The following GPC6 variants were observed in gnomAD, a reference collection of about 807,000 sequenced individuals.
The protein encoded by GPC6 is glypican-6.
In GPC6, 14 loss-of-function variants were observed where a neutral mutation model predicts 55.2. That is an observed-to-expected ratio of 0.25 (90% CI 0.17 to 0.40). The LOEUF is 0.40. GPC6 is among the 10% of genes least tolerant of loss of function. The pLI, the probability that GPC6 is intolerant of heterozygous loss-of-function variation, is 1.00. For missense variants in GPC6, 641 were observed against 708.5 expected (o/e 0.90, Z 1.08); for synonymous variants, 278 against 259.6 (o/e 1.07, Z -0.68).
chr13:93,226,293 AT>A (rs1464446950), upstream of GPC6, among the ~76,000 whole-genome samples: 1 of 152,174 alleles, frequency 6.6e-6, no homozygotes, highest in Non-Finnish European at 1.5e-5. Flanking sequence ...AAGCATAATG[AT>A]TTCTGATCGA....
At chr13:93,364,715 A>G (rs1881178878) in intron 1 of GPC6, among the ~76,000 whole-genome samples, 1 of 150,944 alleles carries the variant, frequency 6.6e-6, no homozygotes. Context: ...ACATATATAT[A>G]CACACACATA....
At chr13:93,880,753 T>C (rs1241049050) in intron 3 of GPC6, among the ~76,000 whole-genome samples, 1 of 152,000 alleles carries the variant, frequency 6.6e-6, no homozygotes, top group Non-Finnish European at 1.5e-5. Context: ...CATTATTGCC[T>C]CACAGTAAGG....
At chr13:93,353,252 G>T (rs1248174126) in intron 1 of GPC6, among the ~76,000 whole-genome samples, 1 of 152,144 alleles carries the variant, frequency 6.6e-6, no homozygotes, top group Non-Finnish European at 1.5e-5. Context: ...GCATCATGAT[G>T]GTTTTGAAAG....
intron 6 of GPC6, among the ~76,000 whole-genome samples, chr13:94,318,179 T>A (rs1566668937): frequency 6.6e-6 from 1 of 152,280 alleles, no homozygotes; most frequent in Non-Finnish European, 1.5e-5. Context: ...CCAAATCTTA[T>A]GTATTTTTAC....
intron 1 of GPC6, among the ~76,000 whole-genome samples, chr13:93,240,157 A>G (rs1434335008): frequency 6.6e-6 from 1 of 152,072 alleles, no homozygotes; most frequent in Non-Finnish European, 1.5e-5. Flanking sequence ...TTTGTCCTAG[A>G]ATCCAGTTTA....
chr13:94,338,119 A>AAAT, intron 6 of GPC6, among the ~76,000 whole-genome samples: 1 of 152,380 alleles, frequency 6.6e-6, no homozygotes, highest in East Asian at 1.9e-4. Flanking sequence ...TCGTTTTAAA[A>AAAT]AATAGAAATC....
At chr13:93,465,098 C>A (rs2139319981) in intron 1 of GPC6, among the ~76,000 whole-genome samples, 1 of 152,300 alleles carries the variant, frequency 6.6e-6, no homozygotes, top group East Asian at 1.9e-4. Flanking sequence ...TGCTGTAAAA[C>A]AGATATGCTG....
intron 6 of GPC6, among the ~76,000 whole-genome samples, chr13:94,371,978 A>G (rs1416557677): frequency 6.6e-6 from 1 of 152,098 alleles, no homozygotes; most frequent in African/African-American, 2.4e-5. Context: ...CAAAATTATC[A>G]AAGTTCTTAC....
the GPC6 span, among the ~76,000 whole-genome samples, chr13:93,221,243 A>G: frequency 7.2e-5 from 11 of 152,214 alleles, no homozygotes; most frequent in Non-Finnish European, 1.0e-4. Context: ...TTAGGTAACG[A>G]TGAGTAAATC....
At chr13:93,320,664 TATG>T (rs1421206694) in intron 1 of GPC6, among the ~76,000 whole-genome samples, 2 of 151,970 alleles carry the variant, frequency 1.3e-5, no homozygotes, top group Non-Finnish European at 2.9e-5. Context: ...CACACTCTAT[TATG>T]ATATTCTTTT....
intron 6 of GPC6, among the ~76,000 whole-genome samples, chr13:94,340,490 T>G (rs1172281667): frequency 1.3e-5 from 2 of 152,202 alleles, no homozygotes; most frequent in Admixed American, 1.3e-4. Context: ...ACACAATTAT[T>G]TGGCCTTGGG....
At chr13:93,373,602 G>A (rs528984394) in intron 1 of GPC6, among the ~76,000 whole-genome samples, 26 of 152,126 alleles carry the variant, frequency 1.7e-4, no homozygotes, top group Non-Finnish European at 3.2e-4. Flanking sequence ...AGATTAGTGT[G>A]TCGTCTGTGG....
At chr13:93,933,311 C>T (rs1878277464) in intron 3 of GPC6, among the ~76,000 whole-genome samples, 1 of 152,090 alleles carries the variant, frequency 6.6e-6, no homozygotes, top group Non-Finnish European at 1.5e-5. Context: ...AGAATTCTGC[C>T]AAACATTCTA....
intron 3 of GPC6, among the ~76,000 whole-genome samples, chr13:93,893,431 G>A (rs186542016): frequency 3.3e-5 from 5 of 152,168 alleles, no homozygotes; most frequent in Admixed American, 6.5e-5. Flanking sequence ...AATCACCAGC[G>A]ATGCAGAAAT....
chr13:93,769,930 T>G (rs542208857), intron 2 of GPC6, among the ~76,000 whole-genome samples: 1 of 152,226 alleles, frequency 6.6e-6, no homozygotes, highest in Non-Finnish European at 1.5e-5. Flanking sequence ...TGTATTTATT[T>G]GCCAAGTAGT....
intron 1 of GPC6, among the ~76,000 whole-genome samples, chr13:93,293,303 T>C (rs1339766598): frequency 6.6e-6 from 1 of 152,210 alleles, no homozygotes; most frequent in African/African-American, 2.4e-5. Flanking sequence ...CCTCATATAG[T>C]GTTTGGGAAA....
At chr13:94,192,450 G>A (rs1889426896) in intron 4 of GPC6, among the ~76,000 whole-genome samples, 1 of 152,084 alleles carries the variant, frequency 6.6e-6, no homozygotes, top group African/African-American at 2.4e-5. Flanking sequence ...AGTATGTCTG[G>A]GGTCTGGGTT....
At chr13:94,089,128 T>G (rs1260858214) in intron 4 of GPC6, among the ~76,000 whole-genome samples, 1 of 152,170 alleles carries the variant, frequency 6.6e-6, no homozygotes, top group Non-Finnish European at 1.5e-5. Flanking sequence ...AGAGCATGAT[T>G]AAAAGCCCTT....
intron 4 of GPC6, among the ~76,000 whole-genome samples, chr13:94,200,954 C>A (rs1043504016): frequency 6.6e-6 from 1 of 152,288 alleles, no homozygotes; most frequent in African/African-American, 2.4e-5. Context: ...AGGAAACAGG[C>A]AGCGCAAAAG....
Sources: gnomAD v4.1 joint callset for allele counts (sites outside exome capture counted in the v4.1 genomes callset) on GRCh38, gnomAD v4.1.1 for gene constraint, MANE v1.5 for transcripts, NCBI Gene and HGNC (gene_info 2026-07-23, HGNC 2026-07-21) for gene names.